CNTNAP2: variants seen among roughly 807,000 people sequenced by gnomAD.
The protein encoded by CNTNAP2 is contactin associated protein 2.
CNTNAP2 carries 98 observed loss-of-function variants against 155.2 expected under a neutral mutation model. That is an observed-to-expected ratio of 0.63 (90% CI 0.54 to 0.75). The LOEUF (loss-of-function observed/expected upper bound fraction) is 0.75, where lower values mean the gene tolerates loss of function less well. Ranked by LOEUF, CNTNAP2 falls within the 30% of genes least tolerant of loss-of-function variation. The pLI is 0.00. For missense variants in CNTNAP2, 1,727 were observed against 1,688.1 expected (o/e 1.02, Z -0.40); for synonymous variants, 651 against 631.2 (o/e 1.03, Z -0.47).
chr7:148,195,917 C>T (rs1795269249), intron 18 of CNTNAP2, among the ~76,000 whole-genome samples: 1 of 152,148 alleles, frequency 6.6e-6, no homozygotes, highest in African/African-American at 2.4e-5. Flanking sequence ...CTCAGACATT[C>T]AGAGCACGCA....
chr7:146,217,040 T>C (rs1799125838), intron 1 of CNTNAP2, among the ~76,000 whole-genome samples: 1 of 152,192 alleles, frequency 6.6e-6, no homozygotes, highest in South Asian at 2.1e-4. Flanking sequence ...TACATTTTAA[T>C]TTGATTTTTA....
intron 15 of CNTNAP2, among the ~76,000 whole-genome samples, chr7:148,020,974 A>G (rs1044743805): frequency 8.5e-5 from 13 of 152,240 alleles, no homozygotes; most frequent in Non-Finnish European, 1.8e-4. Flanking sequence ...TGAATCGGTT[A>G]CTGAATACTT....
At chr7:146,815,440 C>T (rs1200199718) in intron 2 of CNTNAP2, among the ~76,000 whole-genome samples, 1 of 151,900 alleles carries the variant, frequency 6.6e-6, no homozygotes, top group Non-Finnish European at 1.5e-5. Context: ...TTAATGATCT[C>T]TATGATTACA....
chr7:146,953,589 C>T (rs189700962), intron 3 of CNTNAP2, among the ~76,000 whole-genome samples: 1 of 152,052 alleles, frequency 6.6e-6, no homozygotes, highest in Admixed American at 6.6e-5. Flanking sequence ...AACAATACCT[C>T]TTGCATCATA....
At chr7:146,311,554 C>T (rs1453061361) in intron 1 of CNTNAP2, among the ~76,000 whole-genome samples, 3 of 134,818 alleles carry the variant, frequency 2.2e-5, no homozygotes, top group South Asian at 2.2e-4. Flanking sequence ...GAGAATCCCT[C>T]GAAGCCTGGA....
chr7:147,392,389 G>T (rs1467669792), intron 9 of CNTNAP2, among the ~76,000 whole-genome samples: 2 of 151,380 alleles, frequency 1.3e-5, no homozygotes, highest in Non-Finnish European at 2.9e-5. Flanking sequence ...GTTTTTGGGG[G>T]AACAGGTGGT....
At chr7:146,697,794 ATATATT>A (rs1163639441) in intron 1 of CNTNAP2, among the ~76,000 whole-genome samples, 1 of 152,004 alleles carries the variant, frequency 6.6e-6, no homozygotes. Flanking sequence ...GTGATTAATG[ATATATT>A]TATATTAATG....
At chr7:147,472,358 A>G (rs1214603355) in intron 10 of CNTNAP2, among the ~76,000 whole-genome samples, 1 of 151,658 alleles carries the variant, frequency 6.6e-6, no homozygotes, top group Non-Finnish European at 1.5e-5. Context: ...GATTACAGGC[A>G]TGCCCCACCA....
At chr7:146,937,763 A>G (rs1464657262) in intron 3 of CNTNAP2, among the ~76,000 whole-genome samples, 1 of 152,248 alleles carries the variant, frequency 6.6e-6, no homozygotes, top group Non-Finnish European at 1.5e-5. Flanking sequence ...ATAATTAAAA[A>G]GGGTTAGAAT....
chr7:146,360,060 C>T (rs538494335), intron 1 of CNTNAP2, among the ~76,000 whole-genome samples: 15 of 152,264 alleles, frequency 9.9e-5, no homozygotes, highest in South Asian at 2.1e-4. Context: ...ATTCTGTTAG[C>T]CTGTGTAAGC....
chr7:147,056,946 A>G (rs1799573360), intron 4 of CNTNAP2, among the ~76,000 whole-genome samples: 1 of 150,276 alleles, frequency 6.7e-6, no homozygotes. Context: ...TATTTTTTTT[A>G]TTTATATTTT....
chr7:146,169,118 G>A (rs541359601), intron 1 of CNTNAP2, among the ~76,000 whole-genome samples: 13 of 152,148 alleles, frequency 8.5e-5, no homozygotes, highest in African/African-American at 2.9e-4. Context: ...CACTTTCTAC[G>A]CTCTGTTCAA....
At chr7:147,006,395 C>T (rs927537221) in intron 3 of CNTNAP2, among the ~76,000 whole-genome samples, 8 of 151,984 alleles carry the variant, frequency 5.3e-5, no homozygotes, top group African/African-American at 1.9e-4. Context: ...CTCCTTTATA[C>T]ATGTAAATTT....
At position 146,643,457 on chromosome 7, in the gene CNTNAP2, A is replaced by G. The variant is rs1162879988; in HGVS notation, c.98-130814A>G. Among the ~76,000 whole-genome samples, 8 of 152,276 alleles carry G rather than the reference A, an allele frequency of 5.3e-5. No homozygotes were observed. In the South Asian group the frequency reaches 1.5e-3, roughly 28 times the overall value. The stretch of plus-strand genomic sequence containing the variant: ...TTTGTTTTTCTCAGGTTTGTCAAAG[A>G]TCAGATAGTTGTAGATATGCAGCGT... On this transcript the variant is annotated intron_variant, in intron 1 of 23. Transcript: ENST00000361727.
At chr7:146,924,757 A>C (rs1270202887) in intron 3 of CNTNAP2, among the ~76,000 whole-genome samples, 1 of 152,032 alleles carries the variant, frequency 6.6e-6, no homozygotes, top group Non-Finnish European at 1.5e-5. Flanking sequence ...TCATTTAAAG[A>C]CCTGAAGAGT....
chr7:146,495,555 T>G (rs1797202159), intron 1 of CNTNAP2, among the ~76,000 whole-genome samples: 1 of 37,686 alleles, frequency 2.7e-5, no homozygotes, highest in African/African-American at 7.9e-5. Context: ...ACAGGTCATT[T>G]TTTTTTTTTT....
At chr7:147,245,730 C>G (rs902635815) in intron 8 of CNTNAP2, among the ~76,000 whole-genome samples, 1 of 129,584 alleles carries the variant, frequency 7.7e-6, no homozygotes, top group African/African-American at 3.0e-5. Flanking sequence ...CCACTGCACT[C>G]CAGCCTAGGC....
intron 14 of CNTNAP2, among the ~76,000 whole-genome samples, chr7:147,946,831 G>A (rs1922885): frequency 0.25 from 38,158 of 151,988 alleles, 5,185 homozygotes; most frequent in African/African-American, 0.32. Context: ...CTGAAAATGA[G>A]TAAATGACAA....
At chr7:146,676,255 A>T (rs1800396464) in intron 1 of CNTNAP2, among the ~76,000 whole-genome samples, 1 of 152,178 alleles carries the variant, frequency 6.6e-6, no homozygotes, top group Non-Finnish European at 1.5e-5. Context: ...TTCATTGGCA[A>T]ATATAGTAGA....
Sources: gnomAD v4.1 joint callset for allele counts (sites outside exome capture counted in the v4.1 genomes callset) on GRCh38, gnomAD v4.1.1 for gene constraint, MANE v1.5 for transcripts, NCBI Gene and HGNC (gene_info 2026-07-23, HGNC 2026-07-21) for gene names.